Variants in GRID2 observed in about 807,000 individuals in gnomAD.
GRID2 encodes the protein glutamate ionotropic receptor delta type subunit 2, also known as glutamate receptor ionotropic, delta-2.
In GRID2, 33 loss-of-function variants were observed where a neutral mutation model predicts 114.8. That is an observed-to-expected ratio of 0.29 (90% CI 0.22 to 0.38). The LOEUF is 0.38. Among genes scored for constraint, GRID2 ranks in the 10% least tolerant of loss-of-function variants. The pLI, the probability that GRID2 is intolerant of heterozygous loss-of-function variation, is 1.00. For missense variants in GRID2, 1,184 were observed against 1,257.7 expected, an observed-to-expected ratio of 0.94 and a Z score of 0.89; for synonymous variants, 505 against 449.9, an observed-to-expected ratio of 1.12 and a Z score of -1.55.
rs143171886 is a variant in GRID2 at position 93,388,642 on chromosome 4, T to C, written c.1246-6965T>C. Among the ~76,000 whole-genome samples, 298 of 152,310 alleles carry C rather than the reference T, an allele frequency of 2.0e-3. 2 individuals are homozygous for C. The highest frequency in any genetic ancestry group is 6.8e-3 in the African/African-American group (283 of 41,586). ...GGCCACATCCAAAGTTTGGCCTTTA[T>C]CTTGAGAATACTGGAAAACTATGGA... On this transcript the variant is annotated intron_variant, in intron 8 of 15. Transcript: ENST00000282020.
At chr4:93,006,983 T>TA (rs1373445208) in intron 2 of GRID2, among the ~76,000 whole-genome samples, 1 of 151,784 alleles carries the variant, frequency 6.6e-6, no homozygotes, top group Non-Finnish European at 1.5e-5. Flanking sequence ...CTGGAAATAT[T>TA]AAAAAATTAT....
rs905629482 is a variant in GRID2 at position 93,363,564 on chromosome 4, C to G, written c.1246-32043C>G. 4.6e-5 allele frequency among the ~76,000 whole-genome samples: 7 copies of G among 151,916 alleles called. 1 individual carries two copies. Among genetic ancestry groups the G allele is most frequent in the African/African-American group, 1.7e-4 (7 of 41,354 alleles). On this transcript the variant is annotated intron_variant, in intron 8 of 15. Coordinates refer to ENST00000282020, the MANE Select transcript of GRID2 (RefSeq NM_001510.4). ...CTAATTAATTCTTGTTTTGTTGTTA[C>G]TGTTGTGTGAGTGCTTGCATGCTTA... is the stretch of plus-strand genomic sequence containing the variant.
rs539859013 is a variant in GRID2 at position 93,581,083 on chromosome 4, T to C, written c.2194-45186T>C. Among the ~76,000 whole-genome samples the C allele has an allele frequency of 2.2e-4, 34 of 151,956 alleles. 1 individual carries two copies. In the East Asian group the frequency reaches 6.7e-3, roughly 30 times the overall value. ...CTGCATTAGGTATTTCTCCTCATGC[T>C]ATCCCTCCCCTAGTCCCCCACCCCC... On this transcript the variant is annotated intron_variant, in intron 13 of 15. Coordinates refer to ENST00000282020, the MANE Select transcript of GRID2 (RefSeq NM_001510.4).
chr4:93,475,843 A>G (rs542210850), intron 11 of GRID2, among the ~76,000 whole-genome samples: 23 of 152,278 alleles, frequency 1.5e-4, no homozygotes, highest in African/African-American at 5.3e-4. Flanking sequence ...GTGGTTTTAT[A>G]TAGTGGCTTA....
intron 4 of GRID2, among the ~76,000 whole-genome samples, chr4:93,136,454 A>G (rs1735260665): frequency 6.6e-6 from 1 of 152,174 alleles, no homozygotes; most frequent in Non-Finnish European, 1.5e-5. Flanking sequence ...GCTGGATGAC[A>G]TGACAATCCT....
At chr4:93,558,852 A>G (rs1258005834) in intron 13 of GRID2, among the ~76,000 whole-genome samples, 1 of 152,134 alleles carries the variant, frequency 6.6e-6, no homozygotes, top group East Asian at 1.9e-4. Flanking sequence ...TACTGGTAAA[A>G]TGAATCCAGC....
rs552096875 is a variant in GRID2 at position 93,024,257 on chromosome 4, ATCTT to A, written c.245-60734_245-60731del. Among the ~76,000 whole-genome samples the A allele has an allele frequency of 1.4e-4, 21 of 151,892 alleles. No homozygotes were observed. In the East Asian group the frequency reaches 3.9e-3, roughly 28 times the overall value. ...CAGGTTCCAATCAAATGAGGCTTAAATCTTTCTCGGAGACAAATGCAGAGAAATT... is the reference window on the plus strand; with the variant it reads ...CAGGTTCCAATCAAATGAGGCTTAAATCTCGGAGACAAATGCAGAGAAATT... On this transcript the variant is annotated intron_variant, in intron 2 of 15. Coordinates refer to ENST00000282020, the MANE Select transcript of GRID2 (RefSeq NM_001510.4).
intron 2 of GRID2, among the ~76,000 whole-genome samples, chr4:92,719,103 C>T (rs1328072954): frequency 6.6e-6 from 1 of 151,986 alleles, no homozygotes; most frequent in Non-Finnish European, 1.5e-5. Flanking sequence ...TCTCCTGTCT[C>T]AGCCACCCAA....
chr4:92,899,108 A>C (rs1017319450), intron 2 of GRID2, among the ~76,000 whole-genome samples: 1 of 152,156 alleles, frequency 6.6e-6, no homozygotes, highest in African/African-American at 2.4e-5. Context: ...TAGCATTTTG[A>C]AAAGAATAAA....
At chr4:93,596,601 A>G (rs967939265) in intron 13 of GRID2, among the ~76,000 whole-genome samples, 13 of 152,184 alleles carry the variant, frequency 8.5e-5, no homozygotes, top group African/African-American at 3.1e-4. Context: ...AAAGAAAAAA[A>G]GAAAAGAAAG....
intron 14 of GRID2, among the ~76,000 whole-genome samples, chr4:93,679,993 G>GT (rs1455606094): frequency 5.3e-5 from 8 of 151,066 alleles, no homozygotes; most frequent in Admixed American, 4.6e-4. Flanking sequence ...CCAGGAGCTG[G>GT]TTTTTTGAAA....
chr4:92,991,420 A>G (rs1754897252), intron 2 of GRID2, among the ~76,000 whole-genome samples: 2 of 152,216 alleles, frequency 1.3e-5, no homozygotes, highest in Admixed American at 6.5e-5. Flanking sequence ...ATTGGAATAA[A>G]TGTGGTGTAA....
intron 14 of GRID2, among the ~76,000 whole-genome samples, chr4:93,750,802 A>G (rs1732258360): frequency 6.6e-6 from 1 of 152,204 alleles, no homozygotes; most frequent in Admixed American, 6.5e-5. Flanking sequence ...GACACATTTT[A>G]TAAGAGTTAG....
chr4:92,785,166 T>C (rs1412024491), intron 2 of GRID2, among the ~76,000 whole-genome samples: 1 of 151,000 alleles, frequency 6.6e-6, no homozygotes, highest in African/African-American at 2.4e-5. Flanking sequence ...ATCCAAACAT[T>C]ATATAGATTG....
chr4:93,305,878 A>G (rs760663477), intron 8 of GRID2, among the ~76,000 whole-genome samples: 3 of 152,192 alleles, frequency 2.0e-5, no homozygotes, highest in Non-Finnish European at 4.4e-5. Flanking sequence ...GACTACTTCC[A>G]GAGTCAAAAG....
intron 2 of GRID2, among the ~76,000 whole-genome samples, chr4:92,947,544 AT>A (rs11307985): frequency 0.013 from 1,898 of 151,042 alleles, 22 homozygotes; most frequent in African/African-American, 0.038. Flanking sequence ...TCAGATTTAT[AT>A]TTTTTTTTCA....
At chr4:92,968,720 C>A (rs1424768647) in intron 2 of GRID2, among the ~76,000 whole-genome samples, 2 of 151,850 alleles carry the variant, frequency 1.3e-5, no homozygotes, top group East Asian at 1.9e-4. Flanking sequence ...GAACTTCATG[C>A]CCATTAATAG....
intron 1 of GRID2, among the ~76,000 whole-genome samples, chr4:92,551,122 A>G (rs1726563826): frequency 6.6e-6 from 1 of 152,176 alleles, no homozygotes; most frequent in Non-Finnish European, 1.5e-5. Flanking sequence ...ACTTGAAAGG[A>G]TAGATAGTAT....
At chr4:92,871,671 C>T (rs1745291075) in intron 2 of GRID2, among the ~76,000 whole-genome samples, 1 of 152,022 alleles carries the variant, frequency 6.6e-6, no homozygotes, top group Non-Finnish European at 1.5e-5. Context: ...ACTTTCGAAA[C>T]CGGCAAATAT....
Sources: allele counts gnomAD v4.1 joint callset (sites outside exome capture counted in the v4.1 genomes callset), GRCh38; gene constraint gnomAD v4.1.1; transcripts MANE v1.5; gene names NCBI Gene and HGNC (gene_info 2026-07-23, HGNC 2026-07-21).